C8orf34: variants seen among roughly 807,000 people sequenced by gnomAD.
The protein encoded by C8orf34 is chromosome 8 open reading frame 34.
Under a neutral mutation model 68.3 loss-of-function variants are expected in C8orf34, and 65 were observed. The observed-to-expected ratio is 0.95, with a 90% confidence interval of 0.78 to 1.17. The LOEUF is 1.17. Ranked by LOEUF, C8orf34 falls within the 50% of genes most tolerant of loss-of-function variation. The pLI is 0.00. For missense variants in C8orf34, 664 were observed against 655.4 expected, an observed-to-expected ratio of 1.01 and a Z score of -0.14; for synonymous variants, 244 against 241.2, an observed-to-expected ratio of 1.01 and a Z score of -0.11.
At chr8:68,503,690 T>C (rs1813877952) in intron 5 of C8orf34, among the ~76,000 whole-genome samples, 1 of 150,704 alleles carries the variant, frequency 6.6e-6, no homozygotes, top group African/African-American at 2.4e-5. Flanking sequence ...CTTTTTCTTT[T>C]TTTTTTTTTT....
At chr8:68,685,397 A>G (rs1035234847) in intron 8 of C8orf34, among the ~76,000 whole-genome samples, 1 of 152,150 alleles carries the variant, frequency 6.6e-6, no homozygotes, top group African/African-American at 2.4e-5. Flanking sequence ...TAACTGAACA[A>G]CTAAGACTCA....
chr8:68,357,534 T>A (rs763453405), intron 1 of C8orf34, among the ~76,000 whole-genome samples: 1 of 152,122 alleles, frequency 6.6e-6, no homozygotes, highest in Non-Finnish European at 1.5e-5. Flanking sequence ...AAAAATAATA[T>A]TCAGGGAAGA....
intron 8 of C8orf34, among the ~76,000 whole-genome samples, chr8:68,701,680 A>G (rs1821021288): frequency 6.6e-6 from 1 of 152,070 alleles, no homozygotes; most frequent in Non-Finnish European, 1.5e-5. Flanking sequence ...TTATCAATAC[A>G]GCAGGTTAAA....
intron 3 of C8orf34, among the ~76,000 whole-genome samples, chr8:68,456,913 T>C (rs1811577989): frequency 6.6e-6 from 1 of 152,216 alleles, no homozygotes; most frequent in Non-Finnish European, 1.5e-5. Context: ...GGTTACCTAT[T>C]GTATGGAATG....
chr8:68,343,996 A>G (rs814445), intron 1 of C8orf34, among the ~76,000 whole-genome samples: 90,338 of 151,998 alleles, frequency 0.59, 27,763 homozygotes, highest in African/African-American at 0.77. Flanking sequence ...CAAAGTTCTG[A>G]GATTACAGGT....
At chr8:68,418,681 T>C (rs1809793881) in intron 1 of C8orf34, among the ~76,000 whole-genome samples, 1 of 152,018 alleles carries the variant, frequency 6.6e-6, no homozygotes. Context: ...ACACCGCATA[T>C]CTACAACTAT....
At chr8:68,542,919 T>C (rs2129956226) in intron 7 of C8orf34, among the ~76,000 whole-genome samples, 1 of 152,228 alleles carries the variant, frequency 6.6e-6, no homozygotes, top group Non-Finnish European at 1.5e-5. Flanking sequence ...TACTCTCTAA[T>C]CATAAAGAGT....
At chr8:68,798,341 G>T in intron 12 of C8orf34, among the ~76,000 whole-genome samples, 1 of 142,896 alleles carries the variant, frequency 7.0e-6, no homozygotes, top group South Asian at 2.3e-4. Flanking sequence ...CCAGGCTGAA[G>T]TGCAGTGTGC....
intron 10 of C8orf34, among the ~76,000 whole-genome samples, chr8:68,744,491 A>T (rs1412402070): frequency 6.6e-6 from 1 of 151,406 alleles, no homozygotes; most frequent in Non-Finnish European, 1.5e-5. Context: ...TTTGAAAAAA[A>T]TTTAGAAGAA....
chr8:68,558,818 T>C (rs1333864253), intron 7 of C8orf34, among the ~76,000 whole-genome samples: 1 of 151,932 alleles, frequency 6.6e-6, no homozygotes, highest in Non-Finnish European at 1.5e-5. Context: ...CAGAGCCAAA[T>C]GAGGTACAGT....
intron 7 of C8orf34, among the ~76,000 whole-genome samples, chr8:68,547,024 T>C (rs1815906611): frequency 6.6e-6 from 1 of 151,674 alleles, no homozygotes; most frequent in Non-Finnish European, 1.5e-5. Context: ...TAAATTCAAA[T>C]TGTATCCAAA....
intron 3 of C8orf34, among the ~76,000 whole-genome samples, chr8:68,451,437 T>C (rs1811340946): frequency 6.6e-6 from 1 of 152,162 alleles, no homozygotes; most frequent in African/African-American, 2.4e-5. Context: ...TCAACATGCT[T>C]TCCTCACTAA....
At chr8:68,338,156 C>T (rs1197897951) in intron 1 of C8orf34, among the ~76,000 whole-genome samples, 3 of 152,130 alleles carry the variant, frequency 2.0e-5, no homozygotes, top group Non-Finnish European at 4.4e-5. Context: ...CTTACTTTGT[C>T]CTCATATGGC....
intron 7 of C8orf34, among the ~76,000 whole-genome samples, chr8:68,638,952 G>T (rs777726410): frequency 4.6e-5 from 7 of 152,172 alleles, no homozygotes; most frequent in Middle Eastern, 3.4e-3. Context: ...GGGAAATCAC[G>T]GGTTCACTTC....
intron 6 of C8orf34, among the ~76,000 whole-genome samples, chr8:68,522,227 A>C (rs922374803): frequency 6.6e-6 from 1 of 152,168 alleles, no homozygotes; most frequent in African/African-American, 2.4e-5. Context: ...CCAAATAGAG[A>C]ATTAATTTCA....
chr8:68,784,802 ATGTGTG>A (rs113788548), intron 11 of C8orf34, among the ~76,000 whole-genome samples: 4 of 144,398 alleles, frequency 2.8e-5, no homozygotes, highest in South Asian at 2.1e-4. Flanking sequence ...ATGTGTGTGT[ATGTGTG>A]TGTGTGTGTG....
chr8:68,425,566 G>T (rs928328210), intron 1 of C8orf34, among the ~76,000 whole-genome samples: 1 of 151,982 alleles, frequency 6.6e-6, no homozygotes, highest in South Asian at 2.1e-4. Flanking sequence ...AGATCTTTAC[G>T]ATGAAAAGTA....
chr8:68,462,097 T>A (rs1020793639), intron 3 of C8orf34, among the ~76,000 whole-genome samples: 4 of 151,844 alleles, frequency 2.6e-5, no homozygotes, highest in African/African-American at 9.7e-5. Context: ...TGGAGGAAGA[T>A]CTACCAAGCA....
At chr8:68,453,055 A>C (rs1422303284) in intron 3 of C8orf34, among the ~76,000 whole-genome samples, 1 of 151,960 alleles carries the variant, frequency 6.6e-6, no homozygotes, top group East Asian at 1.9e-4. Flanking sequence ...TTGTCACCCC[A>C]TTGAAAATCG....
Sources: allele counts gnomAD v4.1 joint callset (sites outside exome capture counted in the v4.1 genomes callset), GRCh38; gene constraint gnomAD v4.1.1; transcripts MANE v1.5; gene names NCBI Gene and HGNC (gene_info 2026-07-23, HGNC 2026-07-21).